The following HOGA1 variants were observed in gnomAD, a reference collection of about 807,000 sequenced individuals.
HOGA1 encodes 4-hydroxy-2-oxoglutarate aldolase, mitochondrial.
HOGA1 carries 30 observed loss-of-function variants against 34.3 expected under a neutral mutation model. The observed-to-expected ratio is 0.87, with a 90% CI of 0.65 to 1.19. HOGA1 has a LOEUF of 1.19. Among genes scored for constraint, HOGA1 ranks in the 50% most tolerant of loss-of-function variants. The probability of loss-of-function intolerance (pLI) is 0.00; values close to 1 mark genes in which losing one functional copy is unlikely to be tolerated. For synonymous variants in HOGA1, 161 were observed against 174.0 expected, an observed-to-expected ratio of 0.93 and a Z score of 0.59; for missense variants, 417 against 436.5, an observed-to-expected ratio of 0.96 and a Z score of 0.40.
intron 1 of HOGA1, among the ~76,000 whole-genome samples, chr10:97,593,051 A>AAT (rs59874414): frequency 2.7e-5 from 4 of 150,764 alleles, no homozygotes; most frequent in African/African-American, 9.7e-5. Flanking sequence ...AAAAAAAAAA[A>AAT]GAGAATGGTC....
At chr10:97,602,072 C>A (rs1444640489) in intron 6 of HOGA1, 82 bp downstream of exon 6, 1 of 1,554,456 alleles carries the variant, frequency 6.4e-7, no homozygotes, top group Non-Finnish European at 8.7e-7. Context: ...AGGGCTGGCA[C>A]CAGGCCCCAC....
At chr10:97,606,871 C>T (rs2041161765) in intron 6 of HOGA1, among the ~76,000 whole-genome samples, 1 of 152,158 alleles carries the variant, frequency 6.6e-6, no homozygotes, top group African/African-American at 2.4e-5. Flanking sequence ...GTCCTCCAGT[C>T]CTTGAACATG....
At chr10:97,611,154 G>A (rs917918558) in intron 6 of HOGA1, among the ~76,000 whole-genome samples, 2 of 152,192 alleles carry the variant, frequency 1.3e-5, no homozygotes, top group African/African-American at 4.8e-5. Flanking sequence ...GTTTCAGGGA[G>A]CTGGGCTGCA....
chr10:97,584,698 G>A lies in HOGA1; in HGVS notation c.-6G>A. On this transcript the variant is annotated 5_prime_UTR_variant, in exon 1 of 7. Transcript: ENST00000370646. The stretch of plus-strand genomic sequence containing the variant: ...AGACCAATTGTGCTTCAGGCCTCCT[G>A]CAGAGATGCTGGGTCCCCAAGTCTG... The A allele has an allele frequency of 6.2e-7, 1 of 1,608,702 alleles. No homozygotes were observed. Among genetic ancestry groups the A allele is most frequent in the South Asian group, 1.1e-5 (1 of 90,296 alleles).
intron 6 of HOGA1, among the ~76,000 whole-genome samples, chr10:97,609,409 C>T (rs1243203472): frequency 1.3e-5 from 2 of 152,180 alleles, no homozygotes; most frequent in South Asian, 4.1e-4. Context: ...GGATGCCTAG[C>T]TGTCATCCCA....
chr10:97,610,140 C>T (rs535825654), intron 6 of HOGA1, among the ~76,000 whole-genome samples: 3 of 152,288 alleles, frequency 2.0e-5, no homozygotes, highest in Non-Finnish European at 4.4e-5. Context: ...AAATTTGATG[C>T]TTCATTTATT....
chr10:97,589,932 A>T, intron 1 of HOGA1: 1 of 1,613,788 alleles, frequency 6.2e-7, no homozygotes, highest in Non-Finnish European at 8.5e-7. Context: ...AGAAGAAAGG[A>T]AACCTCTGAG....
chr10:97,597,480 G>C (rs2041080462), intron 1 of HOGA1, among the ~76,000 whole-genome samples: 1 of 151,938 alleles, frequency 6.6e-6, no homozygotes, highest in African/African-American at 2.4e-5. Context: ...ACCTGTAACT[G>C]GTACAGGTAT....
chr10:97,595,271 A>G (rs2041059956), intron 1 of HOGA1, among the ~76,000 whole-genome samples: 1 of 152,176 alleles, frequency 6.6e-6, no homozygotes, highest in Non-Finnish European at 1.5e-5. Flanking sequence ...CTCCCCTTCA[A>G]CACCAGCCAC....
chr10:97,590,492 T>G, intron 1 of HOGA1: 1 of 1,613,158 alleles, frequency 6.2e-7, no homozygotes, highest in Non-Finnish European at 8.5e-7. Flanking sequence ...CACACACACC[T>G]TCTATGGCCA....
intron 2 of HOGA1, 43 bp from the exon 3 acceptor site, chr10:97,599,046 G>A (rs755380551): frequency 6.2e-7 from 1 of 1,609,788 alleles, no homozygotes; most frequent in Non-Finnish European, 8.5e-7. Flanking sequence ...TCCTGGTCCA[G>A]GCCTCCTTCT....
chr10:97,590,886 A>C (rs1253178172), intron 1 of HOGA1: 3 of 400,788 alleles, frequency 7.5e-6, no homozygotes, highest in African/African-American at 2.0e-5. Flanking sequence ...AGAGCCCCAC[A>C]CTGATGTCAT....
In HOGA1 at chr10:97,611,794, G is replaced by A; in HGVS notation, c.*135G>A. 1 of 1,091,674 alleles carries A rather than the reference G, an allele frequency of 9.2e-7. No homozygotes were observed. The highest frequency in any genetic ancestry group is 1.3e-6 in the Non-Finnish European group (1 of 753,304). The allele number at this position is 1,091,674 out of a possible 1,614,324, so 67.6% of individuals were successfully genotyped here. A position where few individuals can be genotyped will look rare whatever the true frequency, so the allele number is the denominator to read the frequency against. ...GATAGAGGCTCCTTTGCCTGCTGTG[G>A]TCCTCCAGGCAGCCTTTCACAGGCA... On this transcript the variant is annotated 3_prime_UTR_variant, in exon 7 of 7. Coordinates refer to ENST00000370646, the MANE Select transcript of HOGA1 (RefSeq NM_138413.4).
intron 1 of HOGA1, chr10:97,590,136 C>T (rs575393946): frequency 2.9e-5 from 46 of 1,613,966 alleles, no homozygotes; most frequent in East Asian, 2.0e-4. Context: ...ACCTTCACCA[C>T]GAGGCACGGA....
rs372780565 is a variant in HOGA1 at position 97,611,761 on chromosome 10, G to C, written c.*102G>C. 4.8e-5 allele frequency: 68 copies of C among 1,427,424 alleles called. No homozygotes were observed. Among genetic ancestry groups the C allele is most frequent in the South Asian group, 3.6e-4 (29 of 81,452 alleles). The allele number at this position is 1,427,424 out of a possible 1,614,324, so 88.4% of individuals were successfully genotyped here. A position where few individuals can be genotyped will look rare whatever the true frequency, so the allele number is the denominator to read the frequency against. On this transcript the variant is annotated 3_prime_UTR_variant, in exon 7 of 7. Transcript: ENST00000370646. ...CAGGGGGATGAGGGTGGCAGGCAGC[G>C]GGGAGCCGATAGAGGCTCCTTTGCC...
At chr10:97,600,023 A>G (rs199604936) in intron 4 of HOGA1, 44 bp from the exon 5 acceptor site, 2 of 1,586,540 alleles carry the variant, frequency 1.3e-6, no homozygotes, top group African/African-American at 2.7e-5. Context: ...CTCATCCAGG[A>G]TGAGGCTCTG....
intron 6 of HOGA1, chr10:97,602,642 C>T: frequency 1.1e-6 from 1 of 899,518 alleles, no homozygotes; most frequent in Non-Finnish European, 1.3e-6. Flanking sequence ...CTTCCTCCCT[C>T]CCTCCCTCCT....
chr10:97,603,690 G>A lies in HOGA1; in HGVS notation c.834+1700G>A, dbSNP rs1241194237. Among the ~76,000 whole-genome samples the A allele has an allele frequency of 6.6e-6, 1 of 152,030 alleles. No homozygotes were observed. Among genetic ancestry groups the A allele is most frequent in the Non-Finnish European group, 1.5e-5 (1 of 68,008 alleles). On this transcript the variant is annotated intron_variant, in intron 6 of 6. Transcript: ENST00000370646. This position sits in a 1 kb window ranked among gnomAD's most constrained non-coding sequence, Gnocchi z 4.5. ...CAATTCTCCTGCCTCAGCCTCCCAA[G>A]TAGCTGGGATTACAGATGCCTGCCA...
At chr10:97,601,017 G>A (rs879677606) in intron 5 of HOGA1, 4 of 152,428 alleles carry the variant, frequency 2.6e-5, no homozygotes, top group Non-Finnish European at 5.9e-5. Flanking sequence ...TATTCACTGA[G>A]TAATGCTGGG....
Sources: allele counts gnomAD v4.1 joint callset (sites outside exome capture counted in the v4.1 genomes callset), GRCh38; gene constraint gnomAD v4.1.1; non-coding constraint Gnocchi (gnomAD v3.1); transcripts MANE v1.5; gene names NCBI Gene and HGNC (gene_info 2026-07-23, HGNC 2026-07-21).